Variants in SLC39A11 observed in about 807,000 individuals in gnomAD.
SLC39A11 encodes the protein solute carrier family 39 member 11.
SLC39A11 carries 33 observed loss-of-function variants against 36.1 expected under a neutral mutation model. The ratio of observed to expected loss-of-function variants is 0.91; its 90% CI spans 0.69 to 1.22. SLC39A11 has a LOEUF of 1.22. SLC39A11 is among the 50% of genes most tolerant of loss of function. The probability of loss-of-function intolerance (pLI) is 0.00; values close to 1 mark genes in which losing one functional copy is unlikely to be tolerated. For synonymous variants in SLC39A11, 166 were observed against 170.3 expected (o/e 0.97, Z 0.20); for missense variants, 432 against 430.3 (o/e 1.00, Z -0.03).
At chr17:72,863,877 C>A (rs962469030) in intron 5 of SLC39A11, among the ~76,000 whole-genome samples, 1 of 152,228 alleles carries the variant, frequency 6.6e-6, no homozygotes, top group Non-Finnish European at 1.5e-5. Context: ...CTCCTGCCTC[C>A]TTTTTCCCCT....
intron 7 of SLC39A11, among the ~76,000 whole-genome samples, chr17:72,675,600 G>A (rs757418637): frequency 5.3e-5 from 8 of 152,142 alleles, no homozygotes; most frequent in Non-Finnish European, 1.0e-4. Flanking sequence ...CACAGCCCTG[G>A]GAGTCCCAGC....
chr17:73,068,453 A>G (rs992034561), intron 3 of SLC39A11, among the ~76,000 whole-genome samples: 3 of 152,182 alleles, frequency 2.0e-5, no homozygotes, highest in African/African-American at 4.8e-5. Context: ...GTTGCCATGG[A>G]GACCACCCCA....
At chr17:73,062,838 G>A (rs893129882) in intron 3 of SLC39A11, among the ~76,000 whole-genome samples, 3 of 152,140 alleles carry the variant, frequency 2.0e-5, no homozygotes, top group Admixed American at 6.5e-5. Context: ...TCCCTTGCAC[G>A]TGCAGTTCAC....
intron 3 of SLC39A11, 136 bp from the exon 4 acceptor site, chr17:73,031,850 G>A: frequency 2.3e-6 from 2 of 887,034 alleles, no homozygotes; most frequent in Non-Finnish European, 3.4e-6. Flanking sequence ...CAGGTTGGGA[G>A]GTACTATCAG....
chr17:73,011,857 TCA>T (rs999050302), intron 4 of SLC39A11, among the ~76,000 whole-genome samples: 6 of 151,094 alleles, frequency 4.0e-5, no homozygotes, highest in African/African-American at 1.5e-4. Context: ...AGATGGGGTT[TCA>T]CCATGTTGGC....
chr17:72,995,644 T>C (rs1044144595), intron 4 of SLC39A11, among the ~76,000 whole-genome samples: 4 of 152,140 alleles, frequency 2.6e-5, no homozygotes, highest in Admixed American at 2.6e-4. Flanking sequence ...TCGGCTTGAG[T>C]TGAGACATCC....
At chr17:72,864,432 C>G (rs2080198828) in intron 5 of SLC39A11, among the ~76,000 whole-genome samples, 1 of 151,580 alleles carries the variant, frequency 6.6e-6, no homozygotes, top group Admixed American at 6.6e-5. Flanking sequence ...CTTCATAGGA[C>G]AGGCTGAGCC....
chr17:72,779,760 G>A (rs573513509), intron 6 of SLC39A11, among the ~76,000 whole-genome samples: 8 of 152,320 alleles, frequency 5.3e-5, no homozygotes, highest in Admixed American at 2.0e-4. Flanking sequence ...GGACTTCTCA[G>A]CTGCACCTAC....
chr17:72,777,091 C>T (rs1014760356), intron 6 of SLC39A11, among the ~76,000 whole-genome samples: 1 of 152,026 alleles, frequency 6.6e-6, no homozygotes, highest in Non-Finnish European at 1.5e-5. Flanking sequence ...GGATCTGGGA[C>T]GGAGCCTGAA....
chr17:73,054,130 C>G (rs1190959220), intron 3 of SLC39A11, among the ~76,000 whole-genome samples: 1 of 152,018 alleles, frequency 6.6e-6, no homozygotes, highest in Non-Finnish European at 1.5e-5. Context: ...TTTGGGAGGC[C>G]GAGGTGGGTG....
chr17:72,730,535 C>T (rs867669369), intron 7 of SLC39A11, among the ~76,000 whole-genome samples: 5 of 152,200 alleles, frequency 3.3e-5, no homozygotes, highest in African/African-American at 9.7e-5. Flanking sequence ...CACCATCTGA[C>T]GGCTGAATTA....
intron 6 of SLC39A11, among the ~76,000 whole-genome samples, chr17:72,820,822 G>A (rs2077746972): frequency 6.6e-6 from 1 of 151,156 alleles, no homozygotes; most frequent in African/African-American, 2.4e-5. Context: ...GGAAAGGGAG[G>A]AGAAACATGT....
intron 7 of SLC39A11, among the ~76,000 whole-genome samples, chr17:72,717,256 TAA>T (rs1315971416): frequency 2.0e-5 from 3 of 151,890 alleles, no homozygotes; most frequent in African/African-American, 7.3e-5. Context: ...TGGAGAAAGC[TAA>T]GAGAGGACCT....
intron 7 of SLC39A11, among the ~76,000 whole-genome samples, chr17:72,659,880 C>T (rs951492572): frequency 6.6e-6 from 1 of 152,142 alleles, no homozygotes; most frequent in Non-Finnish European, 1.5e-5. Context: ...GGATTACAGG[C>T]TTGAGCCACC....
chr17:72,740,852 G>A (rs1351367351), intron 6 of SLC39A11, among the ~76,000 whole-genome samples: 3 of 151,964 alleles, frequency 2.0e-5, no homozygotes, highest in Non-Finnish European at 4.4e-5. Flanking sequence ...TTGGCTCACC[G>A]CAACCTCCGC....
At chr17:72,813,609 T>A (rs1429060785) in intron 6 of SLC39A11, among the ~76,000 whole-genome samples, 1 of 152,196 alleles carries the variant, frequency 6.6e-6, no homozygotes, top group African/African-American at 2.4e-5. Context: ...CTTGGCAGCA[T>A]CCAATCTACC....
At chr17:72,810,075 CAAA>C (rs753828527) in intron 6 of SLC39A11, among the ~76,000 whole-genome samples, 564 of 53,542 alleles carry the variant, frequency 0.011, 1 homozygote, top group Non-Finnish European at 0.016. Flanking sequence ...AAAACAAAAA[CAAA>C]AACAACAAAA....
At chr17:72,664,621 C>T (rs1193005286) in intron 7 of SLC39A11, among the ~76,000 whole-genome samples, 1 of 152,194 alleles carries the variant, frequency 6.6e-6, no homozygotes, top group Non-Finnish European at 1.5e-5. Flanking sequence ...CTGCTTCCAC[C>T]TTTGCCCCTA....
chr17:72,838,374 G>A (rs141003352), intron 6 of SLC39A11, among the ~76,000 whole-genome samples: 191 of 151,780 alleles, frequency 1.3e-3, no homozygotes, highest in African/African-American at 4.5e-3. Context: ...GACCACAAGC[G>A]TGCACCACCA....
Sources: allele counts gnomAD v4.1 joint callset (sites outside exome capture counted in the v4.1 genomes callset), GRCh38; gene constraint gnomAD v4.1.1; transcripts MANE v1.5; gene names NCBI Gene and HGNC (gene_info 2026-07-23, HGNC 2026-07-21).